SORBS2: variants seen among roughly 807,000 people sequenced by gnomAD.
SORBS2 encodes the protein sorbin and SH3 domain-containing protein 2.
In SORBS2, 46 loss-of-function variants were observed where a neutral mutation model predicts 97.7. The ratio of observed to expected loss-of-function variants is 0.47; its 90% CI spans 0.37 to 0.60. SORBS2 has a LOEUF of 0.60. Among genes scored for constraint, SORBS2 ranks in the 20% least tolerant of loss-of-function variants. The pLI is 0.00. For missense variants in SORBS2, 1,316 were observed against 1,282.3 expected, an observed-to-expected ratio of 1.03 and a Z score of -0.40; for synonymous variants, 476 against 473.4, an observed-to-expected ratio of 1.01 and a Z score of -0.07.
chr4:185,785,945 A>T (rs1456998159), intron 1 of SORBS2, among the ~76,000 whole-genome samples: 1 of 152,182 alleles, frequency 6.6e-6, no homozygotes, highest in Non-Finnish European at 1.5e-5. Flanking sequence ...AATGCTGGAA[A>T]ACCACACCTG....
intron 2 of SORBS2, among the ~76,000 whole-genome samples, chr4:185,768,719 AC>A (rs68098831): frequency 0.2 from 27,587 of 138,946 alleles, 2,962 homozygotes; most frequent in Non-Finnish European, 0.22. Context: ...AAACAAAAAA[AC>A]AAAAAAAAAT....
intron 5 of SORBS2, among the ~76,000 whole-genome samples, chr4:185,627,262 C>G (rs368941341): frequency 6.6e-6 from 1 of 152,182 alleles, no homozygotes; most frequent in South Asian, 2.1e-4. Context: ...AGGCTGGAAG[C>G]GCAGTGGTGC....
At chr4:185,871,188 T>C (rs547701422) in intron 1 of SORBS2, among the ~76,000 whole-genome samples, 28 of 151,942 alleles carry the variant, frequency 1.8e-4, no homozygotes, top group Non-Finnish European at 3.4e-4. Context: ...GTGAATTTTG[T>C]TTTTTTTGTA....
intron 2 of SORBS2, among the ~76,000 whole-genome samples, chr4:185,753,815 T>A (rs986816345): frequency 6.6e-6 from 1 of 152,192 alleles, no homozygotes; most frequent in Non-Finnish European, 1.5e-5. Flanking sequence ...CCTATCTTTT[T>A]AAAAATTTAC....
At chr4:185,883,969 C>G (rs1258903617) in intron 1 of SORBS2, among the ~76,000 whole-genome samples, 1 of 152,148 alleles carries the variant, frequency 6.6e-6, no homozygotes, top group East Asian at 1.9e-4. Context: ...TGATGTTATC[C>G]ATAAGACTTT....
chr4:185,721,202 G>A (rs2098511559), intron 2 of SORBS2, among the ~76,000 whole-genome samples: 1 of 147,924 alleles, frequency 6.8e-6, no homozygotes, highest in South Asian at 2.1e-4. Context: ...AGCCTCCTGA[G>A]TAGTTGGGAT....
intron 2 of SORBS2, chr4:185,774,612 T>G (rs536835218): frequency 6.6e-6 from 1 of 152,164 alleles, no homozygotes; most frequent in South Asian, 2.1e-4. Flanking sequence ...CCAGCAGATG[T>G]ACCCAGCAAA....
At chr4:185,677,588 G>A in intron 4 of SORBS2, 1 of 1,537,166 alleles carries the variant, frequency 6.5e-7, no homozygotes, top group Non-Finnish European at 8.7e-7. Flanking sequence ...TTGTGTGACT[G>A]GTTATCAAAG....
At chr4:185,775,718 G>C (rs1448932168) in intron 1 of SORBS2, 1 of 152,188 alleles carries the variant, frequency 6.6e-6, no homozygotes, top group Non-Finnish European at 1.5e-5. Flanking sequence ...CACTGAAAAC[G>C]AGATGTCCTA....
At chr4:185,744,753 A>G (rs2098749654) in intron 2 of SORBS2, among the ~76,000 whole-genome samples, 1 of 152,228 alleles carries the variant, frequency 6.6e-6, no homozygotes. Flanking sequence ...TCATGACATA[A>G]GAAGCCTAAT....
intron 1 of SORBS2, among the ~76,000 whole-genome samples, chr4:185,888,260 G>A (rs778686526): frequency 1.2e-4 from 19 of 152,092 alleles, no homozygotes; most frequent in Admixed American, 2.0e-4. Flanking sequence ...TGGAGAATGT[G>A]ATTATCCTGG....
At chr4:185,894,232 G>A (rs1218169942) in intron 1 of SORBS2, 1 of 148,248 alleles carries the variant, frequency 6.7e-6, no homozygotes, top group Non-Finnish European at 1.5e-5. Flanking sequence ...AAAGACAAGA[G>A]CAAAAGGATC....
chr4:185,803,195 A>C (rs1438900299), intron 1 of SORBS2, among the ~76,000 whole-genome samples: 1 of 152,164 alleles, frequency 6.6e-6, no homozygotes, highest in Non-Finnish European at 1.5e-5. Context: ...GGCAGAATGC[A>C]ATACCATGAC....
intron 1 of SORBS2, among the ~76,000 whole-genome samples, chr4:185,924,994 G>A (rs2099262911): frequency 6.6e-6 from 1 of 152,024 alleles, no homozygotes; most frequent in Admixed American, 6.6e-5. Flanking sequence ...CTCTGACAAG[G>A]CTTTTCAGTG....
At chr4:185,933,805 T>C (rs1480724437) in intron 1 of SORBS2, among the ~76,000 whole-genome samples, 1 of 152,126 alleles carries the variant, frequency 6.6e-6, no homozygotes, top group African/African-American at 2.4e-5. Context: ...CTTCAGAATA[T>C]GAATTGGAAA....
At chr4:185,705,216 T>C (rs2098326212) in intron 2 of SORBS2, among the ~76,000 whole-genome samples, 2 of 152,226 alleles carry the variant, frequency 1.3e-5, no homozygotes, top group Admixed American at 1.3e-4. Context: ...GGAATCATAA[T>C]ATCACTTTTG....
At chr4:185,758,252 T>C (rs1271940859) in intron 2 of SORBS2, among the ~76,000 whole-genome samples, 1 of 152,242 alleles carries the variant, frequency 6.6e-6, no homozygotes. Context: ...TTCCACCAAA[T>C]TGCTCTAGCC....
intron 1 of SORBS2, among the ~76,000 whole-genome samples, chr4:185,951,036 A>T (rs1463758633): frequency 6.6e-6 from 1 of 152,216 alleles, no homozygotes; most frequent in Non-Finnish European, 1.5e-5. Context: ...CAGAAACCAG[A>T]TGCTACTGCA....
chr4:185,690,641 CACTAGCATGTGGAA>C, intron 2 of SORBS2, 30 bp from the exon 4 acceptor site: 2 of 972,156 alleles, frequency 2.1e-6, no homozygotes, highest in Non-Finnish European at 3.1e-6. Flanking sequence ...CATAATTGTT[CACTAGCATGTGGAA>C]GAAAATATCA....
Sources: gnomAD v4.1 joint callset for allele counts (sites outside exome capture counted in the v4.1 genomes callset) on GRCh38, gnomAD v4.1.1 for gene constraint, MANE v1.5 for transcripts, NCBI Gene and HGNC (gene_info 2026-07-23, HGNC 2026-07-21) for gene names.